The following ATIC variants were observed in gnomAD, a reference collection of about 807,000 sequenced individuals.
The protein encoded by ATIC is 5-aminoimidazole-4-carboxamide ribonucleotide formyltransferase/IMP cyclohydrolase, also known as bifunctional purine biosynthesis protein ATIC.
A neutral mutation model predicts 72.5 loss-of-function variants in ATIC; 64 were observed. That is an observed-to-expected ratio of 0.88 (90% CI 0.72 to 1.09). ATIC has a LOEUF of 1.09. ATIC is among the 50% of genes least tolerant of loss of function. The pLI is 0.00. For synonymous variants in ATIC, 281 were observed against 267.1 expected (o/e 1.05, Z -0.51); for missense variants, 787 against 732.4 (o/e 1.07, Z -0.86).
rs111784213 is a variant in ATIC at position 215,320,026 on chromosome 2, T to C, written c.290+295T>C. Among the ~76,000 whole-genome samples the C allele has an allele frequency of 5.1e-3, 775 of 152,318 alleles. 6 individuals carry two copies. Among genetic ancestry groups the C allele is most frequent in the African/African-American group, 0.018 (740 of 41,562 alleles). On this transcript the variant is annotated intron_variant, in intron 4 of 15. Transcript: ENST00000236959. The stretch of plus-strand genomic sequence containing the variant: ...TCAGATTTCTTCAGATTTTGGAATA[T>C]TTGCAGGTAACATGCCAGTTGAGCG...
intron 12 of ATIC, among the ~76,000 whole-genome samples, chr2:215,343,197 A>G (rs534499421): frequency 2.0e-4 from 31 of 151,506 alleles, no homozygotes; most frequent in African/African-American, 6.5e-4. Flanking sequence ...TTGTGTAGCA[A>G]TCTCTCACTG....
intron 8 of ATIC, among the ~76,000 whole-genome samples, chr2:215,333,068 G>A (rs948937685): frequency 6.6e-6 from 1 of 152,116 alleles, no homozygotes; most frequent in Non-Finnish European, 1.5e-5. Flanking sequence ...GAGAAAGAGT[G>A]AGTCAGTAAT....
chr2:215,344,131 A>G (rs989075517), intron 12 of ATIC, among the ~76,000 whole-genome samples: 1 of 152,218 alleles, frequency 6.6e-6, no homozygotes, highest in Non-Finnish European at 1.5e-5. Flanking sequence ...AGATATTTAA[A>G]AGTACTCTGG....
chr2:215,316,918 A>G (rs538786012), intron 2 of ATIC, among the ~76,000 whole-genome samples: 8 of 152,136 alleles, frequency 5.3e-5, no homozygotes, highest in Admixed American at 1.3e-4. Flanking sequence ...ATGCCCCACC[A>G]TGCCTGGCTA....
rs1326376082 is a variant in ATIC, at chr2:215,327,412, C to T, written c.688+434C>T. 2.6e-5 allele frequency among the ~76,000 whole-genome samples: 4 copies of T among 152,108 alleles called. No individual in the cohort carries two copies. The South Asian group carries it at 8.3e-4, about 32-fold the overall frequency. ...TTGTTTTGCACATATTGTAAGAAGC[C>T]GTTGCCTTGGAATATTGGATCTAGA... is the stretch of plus-strand genomic sequence containing the variant. On this transcript the variant is annotated intron_variant, in intron 7 of 15. Coordinates refer to ENST00000236959, the MANE Select transcript of ATIC (RefSeq NM_004044.7).
chr2:215,338,415 C>A (rs1026003982), intron 11 of ATIC, among the ~76,000 whole-genome samples: 3 of 152,104 alleles, frequency 2.0e-5, no homozygotes. Flanking sequence ...TGCTGACCTT[C>A]CAAAAGAACC....
Position 215,312,617 on chromosome 2 carries a change from G to A in ATIC, c.139G>A (p.Ala47Thr), listed in dbSNP as rs765486398. ...TAKALRDAGL[A>T]VRDVSELTGF... ...AAAAGCTCTCAGGGATGCTGGTCTG[G>A]CAGTCAGGTAAGGCATAGCTAGTTC... Residue 47 changes from alanine (A) to threonine (T), a missense_variant, in exon 2 of 16, where the codon GCA becomes ACA. Physicochemically the swap from Ala to Thr is moderately conservative, Grantham distance 58. Transcript: ENST00000236959. 4 of 1,614,196 alleles carry A rather than the reference G, an allele frequency of 2.5e-6. No individual in the cohort carries two copies. The South Asian group carries it at 4.4e-5, about 18-fold the overall frequency.
chr2:215,332,131 C>CGTGTGTGTGTGTGT (rs71044585), intron 7 of ATIC, among the ~76,000 whole-genome samples: 12 of 142,254 alleles, frequency 8.4e-5, no homozygotes, highest in African/African-American at 2.4e-4. Flanking sequence ...GTCCTCCAGT[C>CGTGTGTGTGTGTGT]GTGTGTGTGT....
chr2:215,320,066 G>A (rs1226149723), intron 4 of ATIC, among the ~76,000 whole-genome samples: 1 of 152,094 alleles, frequency 6.6e-6, no homozygotes, highest in Admixed American at 6.6e-5. Flanking sequence ...TCAGAAATCC[G>A]AAATGCTTCA....
chr2:215,367,944 C>G, the ATIC span: 1 of 1,614,090 alleles, frequency 6.2e-7, no homozygotes, highest in Non-Finnish European at 8.5e-7. Flanking sequence ...GACATTCGTT[C>G]CCACTCATCT....
chr2:215,339,715 A>G (rs2052997736), intron 12 of ATIC, among the ~76,000 whole-genome samples: 1 of 150,914 alleles, frequency 6.6e-6, no homozygotes, highest in Admixed American at 6.6e-5. Flanking sequence ...GGTCACTGCA[A>G]GCTCCGCCTC....
At chr2:215,322,091 T>G (rs1224767351) in intron 4 of ATIC, among the ~76,000 whole-genome samples, 3 of 146,862 alleles carry the variant, frequency 2.0e-5, no homozygotes, top group African/African-American at 8.1e-5. Flanking sequence ...TTAATAGAGA[T>G]AGGGTTTCAC....
At chr2:215,334,036 C>T (rs1369134808) in intron 9 of ATIC, among the ~76,000 whole-genome samples, 3 of 145,140 alleles carry the variant, frequency 2.1e-5, no homozygotes, top group South Asian at 2.2e-4. Flanking sequence ...AGCGATACTC[C>T]GTCTCAAAAA....
intron 7 of ATIC, among the ~76,000 whole-genome samples, chr2:215,328,612 G>C (rs2052855569): frequency 6.6e-6 from 1 of 152,012 alleles, no homozygotes; most frequent in Admixed American, 6.6e-5. Flanking sequence ...TGACCGCTTA[G>C]ACCAAAGTAG....
the ATIC span, among the ~76,000 whole-genome samples, chr2:215,365,145 C>T: frequency 6.6e-6 from 1 of 152,158 alleles, no homozygotes; most frequent in African/African-American, 2.4e-5. Context: ...CTATACAGAT[C>T]TTAGGGTGGC....
chr2:215,339,085 C>A (rs2052988303), intron 12 of ATIC, among the ~76,000 whole-genome samples, 178 bp downstream of exon 12: 1 of 152,156 alleles, frequency 6.6e-6, no homozygotes, highest in Admixed American at 6.5e-5. Context: ...AATCAAAGGC[C>A]ATGTTAGAAG....
At chr2:215,314,045 G>A (rs1034726283) in intron 2 of ATIC, among the ~76,000 whole-genome samples, 1 of 152,098 alleles carries the variant, frequency 6.6e-6, no homozygotes, top group African/African-American at 2.4e-5. Flanking sequence ...ACAATCAAAA[G>A]TAGAAAAGTA....
intron 2 of ATIC, among the ~76,000 whole-genome samples, chr2:215,317,045 G>C (rs772991771): frequency 6.6e-6 from 1 of 152,164 alleles, no homozygotes; most frequent in Non-Finnish European, 1.5e-5. Context: ...TTACAGGTGT[G>C]AGCCACCCCA....
chr2:215,360,618 T>C, the ATIC span: 1 of 152,480 alleles, frequency 6.6e-6, no homozygotes. Flanking sequence ...CTAGCAATTT[T>C]AATAAATATT....
Sources: allele counts gnomAD v4.1 joint callset (sites outside exome capture counted in the v4.1 genomes callset), GRCh38; gene constraint gnomAD v4.1.1; transcripts MANE v1.5; gene names NCBI Gene and HGNC (gene_info 2026-07-23, HGNC 2026-07-21).